Variants in CFAP46 observed in about 807,000 individuals in gnomAD.
CFAP46 encodes the protein cilia- and flagella-associated protein 46.
In CFAP46, 245 loss-of-function variants were observed where a neutral mutation model predicts 325.7. That is an observed-to-expected ratio of 0.75 (90% CI 0.68 to 0.84). The LOEUF (loss-of-function observed/expected upper bound fraction) is 0.84. Ranked by LOEUF, CFAP46 falls within the 40% of genes least tolerant of loss-of-function variation. The pLI, the probability that CFAP46 is intolerant of heterozygous loss-of-function variation, is 0.00. For synonymous variants in CFAP46, 1,523 were observed against 1,495.9 expected, an observed-to-expected ratio of 1.02 and a Z score of -0.42; for missense variants, 3,346 against 3,543.0, an observed-to-expected ratio of 0.94 and a Z score of 1.41.
intron 50 of CFAP46, among the ~76,000 whole-genome samples, chr10:132,815,311 G>A (rs1591029322): frequency 6.6e-6 from 1 of 152,286 alleles, no homozygotes; most frequent in East Asian, 1.9e-4. Context: ...ATAGTCATGT[G>A]CCTGGGAAGG....
At chr10:132,820,986 C>T in intron 50 of CFAP46, among the ~76,000 whole-genome samples, 1 of 95,890 alleles carries the variant, frequency 1.0e-5, no homozygotes. Flanking sequence ...CTGATGTGTG[C>T]TGTGTGTGTG....
In CFAP46 at chr10:132,817,305, C is replaced by T. The variant is rs1020008184; in HGVS notation, c.7118-2391G>A. Among the ~76,000 whole-genome samples the T allele has an allele frequency of 6.6e-6, 1 of 152,186 alleles. No homozygotes were observed. Among genetic ancestry groups the T allele is most frequent in the Non-Finnish European group, 1.5e-5 (1 of 68,036 alleles). ...CCTCCGGGTTACTCTTAAATATTTA[C>T]TCATTTTCCCTTCTCTTGGTTTATC... On this transcript the variant is annotated intron_variant, in intron 50 of 57. Transcript: ENST00000368586. This position sits in a 1 kb window ranked among gnomAD's most constrained non-coding sequence, Gnocchi z 4.4.
chr10:132,819,692 A>G (rs1166682209), intron 50 of CFAP46, among the ~76,000 whole-genome samples: 1 of 152,264 alleles, frequency 6.6e-6, no homozygotes, highest in Non-Finnish European at 1.5e-5. Flanking sequence ...ATCCACACAC[A>G]AAACAATGAG....
At position 132,810,466 on chromosome 10, in the gene CFAP46, T is replaced by C. The variant is rs549941544; in HGVS notation, c.7607A>G (p.Asn2536Ser). The C allele has an allele frequency of 1.2e-5, 19 of 1,613,658 alleles. No individual in the cohort carries two copies. The East Asian group carries it at 3.8e-4, about 32-fold the overall frequency. Residue 2536 changes from asparagine to serine, a missense_variant, in exon 57 of 58, where the codon AAT becomes AGT. Transcript: ENST00000368586. The stretch of plus-strand genomic sequence containing the variant: ...TGAAGGAGACGCACTGTTTCTCCAA[T>C]TGGCTTCCCAACGGCCAACAGATCT... ...HRRSVGRWEANWRNSASPSED... is the reference protein window; with the variant it reads ...HRRSVGRWEASWRNSASPSED...
At chr10:132,872,370 C>T (rs1848905044) in intron 32 of CFAP46, among the ~76,000 whole-genome samples, 1 of 152,184 alleles carries the variant, frequency 6.6e-6, no homozygotes, top group South Asian at 2.1e-4. Context: ...CCTCTTGCCT[C>T]AGCCTCCTGA....
At position 132,913,274 on chromosome 10, in the gene CFAP46, C is replaced by T. The variant is rs1471321381; in HGVS notation, c.2121-16G>A. 6.5e-7 allele frequency: 1 copy of T among 1,547,494 alleles called. No homozygotes were observed. The highest frequency in any genetic ancestry group is 2.4e-5 in the East Asian group (1 of 40,858). On this transcript the variant is annotated splice_polypyrimidine_tract_variant and intron_variant, in intron 17 of 57. Transcript: ENST00000368586. Reference sequence around the variant, plus strand: ...GATCCAGGTTCTGCAAAACGAGCACCACCAAGCCCTTAATGCAGGGTCCCC... The same window carrying T: ...GATCCAGGTTCTGCAAAACGAGCACTACCAAGCCCTTAATGCAGGGTCCCC...
chr10:132,836,939 G>A, intron 44 of CFAP46, 25 bp from the exon 45 acceptor site: 1 of 1,559,160 alleles, frequency 6.4e-7, no homozygotes, highest in Non-Finnish European at 8.8e-7. Flanking sequence ...ACGGCCATCA[G>A]GGGATGCATT....
rs4074999 is a variant in CFAP46, at chr10:132,923,967, A to T, written c.1256+729T>A. On this transcript the variant is annotated intron_variant, in intron 11 of 57. Transcript: ENST00000368586. ...AGCCCCAGAGAAGGTGGGAAGGAGCACTGGCAGTGCAGGAAGGTAGCAGAC... is the reference window on the plus strand; with the variant it reads ...AGCCCCAGAGAAGGTGGGAAGGAGCTCTGGCAGTGCAGGAAGGTAGCAGAC... Among the ~76,000 whole-genome samples, 475 of 152,268 alleles carry T rather than the reference A, an allele frequency of 3.1e-3. 1 individual carries two copies. Among genetic ancestry groups the T allele is most frequent in the African/African-American group, 0.011 (441 of 41,552 alleles).
In CFAP46 at chr10:132,872,709, C is replaced by G. The variant is rs1404742689; in HGVS notation, c.4478G>C (p.Gly1493Ala). 3.9e-6 allele frequency: 6 copies of G among 1,550,712 alleles called. No individual in the cohort carries two copies. Among genetic ancestry groups the G allele is most frequent in the Non-Finnish European group, 5.2e-6 (6 of 1,147,032 alleles). Reference protein sequence around the residue: ...LGVLISDSVVGSKGLSDLYHL... With the variant: ...LGVLISDSVVASKGLSDLYHL... Reference sequence around the variant, plus strand: ...GTAGAGATCCGACAGGCCCTTGCTTCCCACCACGGAGTCCGAAATCAGCAC... The same window carrying G: ...GTAGAGATCCGACAGGCCCTTGCTTGCCACCACGGAGTCCGAAATCAGCAC... Residue 1493 changes from glycine (G) to alanine (A), a missense_variant, in exon 32 of 58, where the codon GGA becomes GCA. Gly to Ala is a moderately conservative substitution (Grantham distance 60, BLOSUM62 0). Coordinates refer to ENST00000368586, the MANE Select transcript of CFAP46 (RefSeq NM_001200049.3).
chr10:132,831,313 T>C (rs1244425938), intron 50 of CFAP46, among the ~76,000 whole-genome samples: 1 of 152,106 alleles, frequency 6.6e-6, no homozygotes, highest in Non-Finnish European at 1.5e-5. Flanking sequence ...TTGATGCATA[T>C]TTGTTCCATC....
intron 44 of CFAP46, among the ~76,000 whole-genome samples, chr10:132,837,432 C>A (rs556166038): frequency 2.0e-5 from 3 of 151,114 alleles, no homozygotes; most frequent in Non-Finnish European, 3.0e-5. Flanking sequence ...GACACAGACA[C>A]CCACCCGTGC....
intron 19 of CFAP46, among the ~76,000 whole-genome samples, chr10:132,910,851 C>T (rs984285545): frequency 6.6e-6 from 1 of 152,130 alleles, no homozygotes; most frequent in East Asian, 1.9e-4. Flanking sequence ...GCCATCCCAT[C>T]GGAATGTGTT....
At chr10:132,845,782 C>G (rs1848423771) in intron 44 of CFAP46, among the ~76,000 whole-genome samples, 2 of 152,208 alleles carry the variant, frequency 1.3e-5, no homozygotes, top group Non-Finnish European at 2.9e-5. Context: ...CTGGTCAGCT[C>G]TTGGCTGCAG....
At position 132,879,485 on chromosome 10, in the gene CFAP46, C is replaced by T. The variant is rs571580402; in HGVS notation, c.3946G>A (p.Ala1316Thr). Residue 1316 changes from alanine to threonine, a missense_variant, in exon 29 of 58, where the codon GCC (alanine) becomes ACC (threonine). Ala to Thr is a moderately conservative substitution (Grantham distance 58). Transcript: ENST00000368586. ...AGGCAGCAGTCCTCGTAGCCCTCGG[C>T]GCCCGGCGACAGCACCAGGGCCAGC... ...ILLALVLSPG[A>T]EGYEDCCLAA... 2.5e-5 allele frequency: 38 copies of T among 1,546,282 alleles called. No homozygotes were observed. Among genetic ancestry groups the T allele is most frequent in the East Asian group, 7.3e-5 (3 of 40,858 alleles).
chr10:132,938,491 G>T, intron 5 of CFAP46, 98 bp downstream of exon 5: 2 of 1,180,686 alleles, frequency 1.7e-6, no homozygotes, highest in Non-Finnish European at 2.4e-6. Context: ...CCCCAGTGAT[G>T]TGGAACTCCC....
intron 7 of CFAP46, among the ~76,000 whole-genome samples, chr10:132,935,572 TTCCCCTCAGCAC>T (rs1564806131): frequency 2.8e-4 from 18 of 65,090 alleles, no homozygotes; most frequent in Admixed American, 5.2e-4. Flanking sequence ...GATCTTCTCA[TTCCCCTCAGCAC>T]CCAAACCCAC....
chr10:132,881,979 CTG>C, intron 27 of CFAP46, among the ~76,000 whole-genome samples: 1 of 135,848 alleles, frequency 7.4e-6, no homozygotes, highest in South Asian at 2.6e-4. Flanking sequence ...TGTGTGTGGT[CTG>C]TGTGGGATGT....
intron 31 of CFAP46, among the ~76,000 whole-genome samples, chr10:132,874,791 CCTA>C (rs1239804283): frequency 6.6e-6 from 1 of 152,084 alleles, no homozygotes; most frequent in Non-Finnish European, 1.5e-5. Flanking sequence ...TCGATAAAAA[CCTA>C]CAACAAACAT....
At chr10:132,894,291 G>A (rs1385411244) in intron 24 of CFAP46, among the ~76,000 whole-genome samples, 2 of 152,202 alleles carry the variant, frequency 1.3e-5, no homozygotes, top group African/African-American at 4.8e-5. Context: ...ATCTAAGTTG[G>A]TTTCATGGCT....
Sources: gnomAD v4.1 joint callset for allele counts (sites outside exome capture counted in the v4.1 genomes callset) on GRCh38, gnomAD v4.1.1 for gene constraint, Gnocchi (gnomAD v3.1) non-coding constraint, MANE v1.5 for transcripts, NCBI Gene and HGNC (gene_info 2026-07-23, HGNC 2026-07-21) for gene names.